The following CDC45 variants were observed in gnomAD, a reference collection of about 807,000 sequenced individuals.
CDC45 encodes the protein cell division cycle 45.
A neutral mutation model predicts 77.8 loss-of-function variants in CDC45; 54 were observed. That is an observed-to-expected ratio of 0.69 (90% CI 0.56 to 0.87). The LOEUF (loss-of-function observed/expected upper bound fraction) is 0.87. Ranked by LOEUF, CDC45 falls within the 40% of genes least tolerant of loss-of-function variation. CDC45 has a pLI of 0.00. For synonymous variants in CDC45, 260 were observed against 272.1 expected (o/e 0.96, Z 0.44); for missense variants, 649 against 721.6 (o/e 0.90, Z 1.15).
In CDC45 at chr22:19,482,772, T is replaced by TTG. The variant is rs1424346686; in HGVS notation, c.294_295dup (p.Asp99ValfsTer63). 2.5e-6 allele frequency: 4 copies of TTG among 1,613,676 alleles called. No homozygotes were observed. Among genetic ancestry groups the TTG allele is most frequent in the Non-Finnish European group, 3.4e-6 (4 of 1,179,628 alleles). Reference sequence around the variant, plus strand: ...CAACCTGATGAAGACACTATATTCTTTGTGTGTGACACCCATAGGCCAGTC... The same window carrying TTG: ...CAACCTGATGAAGACACTATATTCTTTGTGTGTGTGACACCCATAGGCCAGTC... On this transcript the variant is annotated frameshift_variant, in exon 4 of 19. Coordinates refer to ENST00000263201, the MANE Select transcript of CDC45 (RefSeq NM_003504.5). LOFTEE classifies it high-confidence loss of function.
chr22:19,479,870 C>T (rs995432452), upstream of CDC45: 2 of 1,230,566 alleles, frequency 1.6e-6, no homozygotes, highest in Non-Finnish European at 2.4e-6. Context: ...GTTGGTGATC[C>T]CTGGACCAAT....
At chr22:19,499,907 G>T (rs1405575042) in intron 9 of CDC45, among the ~76,000 whole-genome samples, 1 of 152,198 alleles carries the variant, frequency 6.6e-6, no homozygotes, top group Non-Finnish European at 1.5e-5. Context: ...CCAATTGGGT[G>T]CTGGTCTCCT....
intron 5 of CDC45, among the ~76,000 whole-genome samples, chr22:19,491,378 G>C (rs1007590280): frequency 1.3e-5 from 2 of 150,762 alleles, no homozygotes; most frequent in African/African-American, 2.4e-5. Context: ...CGTTCCTTTG[G>C]GGGAGAGCTA....
intron 9 of CDC45, among the ~76,000 whole-genome samples, chr22:19,503,455 T>A (rs1932979941): frequency 6.6e-6 from 1 of 152,124 alleles, no homozygotes; most frequent in Non-Finnish European, 1.5e-5. Flanking sequence ...GCACCTTTGA[T>A]CTACTCAAAG....
At chr22:19,484,046 A>C in intron 5 of CDC45, 41 bp downstream of exon 5, 1 of 1,560,566 alleles carries the variant, frequency 6.4e-7, no homozygotes, top group Non-Finnish European at 8.6e-7. Flanking sequence ...AGGAACTTGC[A>C]CTCCCAGAGG....
At chr22:19,493,728 A>G (rs939964223) in intron 5 of CDC45, among the ~76,000 whole-genome samples, 1 of 152,230 alleles carries the variant, frequency 6.6e-6, no homozygotes, top group Non-Finnish European at 1.5e-5. Flanking sequence ...GGCGTGAGCC[A>G]CTGCGCCCAG....
At chr22:19,496,477 A>C (rs764304474) in intron 7 of CDC45, among the ~76,000 whole-genome samples, 5 of 152,256 alleles carry the variant, frequency 3.3e-5, no homozygotes, top group Non-Finnish European at 5.9e-5. Flanking sequence ...GCCCTAGAAA[A>C]TAAGTTTCAA....
In CDC45 at chr22:19,480,941, C is replaced by T. The variant is rs775491702; in HGVS notation, c.112-12C>T. The T allele has an allele frequency of 5.2e-5, 82 of 1,576,546 alleles. 1 individual carries two copies. The highest frequency in any genetic ancestry group is 7.1e-5 in the Non-Finnish European group (82 of 1,151,082). On this transcript the variant is annotated splice_polypyrimidine_tract_variant and intron_variant, in intron 2 of 18. Transcript: ENST00000263201. ...CTAAATAAGATAGGCTTTGAAAACA[C>T]TCTCTCTCCAGGCCTTGTTCCAGTG...
chr22:19,486,691 A>T (rs1441477428), intron 5 of CDC45, among the ~76,000 whole-genome samples: 1 of 151,996 alleles, frequency 6.6e-6, no homozygotes, highest in Non-Finnish European at 1.5e-5. Flanking sequence ...AGGTATATAT[A>T]TATTTTTTTG....
intron 5 of CDC45, among the ~76,000 whole-genome samples, chr22:19,491,889 C>G (rs1424016111): frequency 1.3e-5 from 2 of 151,902 alleles, no homozygotes; most frequent in African/African-American, 4.8e-5. Flanking sequence ...GACCTGCAAC[C>G]TCTGCCTCCT....
intron 5 of CDC45, among the ~76,000 whole-genome samples, chr22:19,489,153 G>C (rs760774075): frequency 6.6e-5 from 10 of 152,174 alleles, no homozygotes; most frequent in Non-Finnish European, 1.3e-4. Context: ...TCCAGCCTGG[G>C]CAACTGAGAC....
chr22:19,494,578 A>G (rs1436295547), intron 6 of CDC45, 196 bp downstream of exon 6: 1 of 1,548,000 alleles, frequency 6.5e-7, no homozygotes, highest in Non-Finnish European at 8.7e-7. Flanking sequence ...CCCATGAGTG[A>G]CAGGACAGCC....
At chr22:19,494,299 C>T (rs1471215904) in intron 5 of CDC45, 28 bp from the exon 6 acceptor site, 1 of 1,608,692 alleles carries the variant, frequency 6.2e-7, no homozygotes, top group Non-Finnish European at 8.5e-7. Context: ...ATTTGCTCCA[C>T]CTTTTGTTCT....
chr22:19,516,512 T>G lies in CDC45; in HGVS notation c.1441-15T>G. On this transcript the variant is annotated splice_polypyrimidine_tract_variant and intron_variant, in intron 15 of 18. Coordinates refer to ENST00000263201, the MANE Select transcript of CDC45 (RefSeq NM_003504.5). ...CCCACCATACCCTGACGGAGGGTGCTCTCCGACTCCATAGACAAAGAACCG... is the reference window on the plus strand; with the variant it reads ...CCCACCATACCCTGACGGAGGGTGCGCTCCGACTCCATAGACAAAGAACCG... The G allele has an allele frequency of 8.1e-6, 13 of 1,606,328 alleles. No homozygotes were observed. Among genetic ancestry groups the G allele is most frequent in the Non-Finnish European group, 1.0e-5 (12 of 1,173,232 alleles).
intron 13 of CDC45, among the ~76,000 whole-genome samples, chr22:19,512,152 A>G (rs897736735): frequency 6.6e-5 from 10 of 151,946 alleles, no homozygotes; most frequent in Non-Finnish European, 1.3e-4. Context: ...GCTCTTTACC[A>G]TGCCCCCTTA....
intron 9 of CDC45, among the ~76,000 whole-genome samples, chr22:19,502,495 T>C (rs1405978852): frequency 6.6e-6 from 1 of 152,204 alleles, no homozygotes; most frequent in Non-Finnish European, 1.5e-5. Context: ...TCTAAATTTA[T>C]TTTAACCCAC....
rs750355811 is a variant in CDC45, at chr22:19,505,397, G to A, written c.740G>A (p.Arg247His). 18 of 1,613,558 alleles carry A rather than the reference G, an allele frequency of 1.1e-5. No individual in the cohort carries two copies. The East Asian group carries it at 2.5e-4, about 22-fold the overall frequency. ...GTGACTGATGTTGGTGTCCTGCAGC[G>A]CCACGTTTCCCGCCACAACCACCGG... ...KYVTDVGVLQRHVSRHNHRNE... is the reference protein window; with the variant it reads ...KYVTDVGVLQHHVSRHNHRNE... The change falls in exon 10 of 19, where the codon CGC becomes CAC. Residue 247 changes from arginine (R) to histidine (H), a missense_variant. Physicochemically the swap from Arg to His is conservative, Grantham distance 29. Coordinates refer to ENST00000263201, the MANE Select transcript of CDC45 (RefSeq NM_003504.5).
At chr22:19,489,209 G>A (rs764111503) in intron 5 of CDC45, among the ~76,000 whole-genome samples, 5 of 152,002 alleles carry the variant, frequency 3.3e-5, no homozygotes, top group African/African-American at 7.3e-5. Flanking sequence ...TATAAATCAT[G>A]TGATTTTTCA....
At position 19,520,043 on chromosome 22, in the gene CDC45, C is replaced by T. The variant is rs1934026086; in HGVS notation, c.*2-438C>T. Among the ~76,000 whole-genome samples the T allele has an allele frequency of 6.6e-6, 1 of 152,182 alleles. No individual in the cohort carries two copies. The highest frequency in any genetic ancestry group is 2.4e-5 in the African/African-American group (1 of 41,428). ...GTGGGGCGGAGGCAGAGGTGGGGCT[C>T]TCTGGCAGTGGAGTGGGTGCTAGAG... On this transcript the variant is annotated intron_variant, in intron 18 of 18. Transcript: ENST00000263201. This position sits in a 1 kb window ranked among gnomAD's most constrained non-coding sequence, Gnocchi z 4.5.
Sources: allele counts gnomAD v4.1 joint callset (sites outside exome capture counted in the v4.1 genomes callset), GRCh38; gene constraint gnomAD v4.1.1; non-coding constraint Gnocchi (gnomAD v3.1); transcripts MANE v1.5; gene names NCBI Gene and HGNC (gene_info 2026-07-23, HGNC 2026-07-21).